The following GAMT variants were observed in gnomAD, a reference collection of about 807,000 sequenced individuals.
GAMT encodes epididymis secretory protein Li 20.
In GAMT, 26 loss-of-function variants were observed where a neutral mutation model predicts 26.9. The ratio of observed to expected loss-of-function variants is 0.97; its 90% CI spans 0.71 to 1.34. GAMT has a LOEUF of 1.34. GAMT is among the 40% of genes most tolerant of loss of function. The pLI is 0.00. For missense variants in GAMT, 412 were observed against 345.0 expected, an observed-to-expected ratio of 1.19 and a Z score of -1.54; for synonymous variants, 169 against 149.6, an observed-to-expected ratio of 1.13 and a Z score of -0.95.
rs1308575125 is a variant in GAMT, at chr19:1,397,392, T to C, written c.678A>G (p.Pro226=). The C allele has an allele frequency of 1.9e-6, 3 of 1,612,482 alleles. No homozygotes were observed. The highest frequency in any genetic ancestry group is 1.7e-6 in the Non-Finnish European group (2 of 1,179,876). Residue 226 remains proline (P), a synonymous_variant, in exon 6 of 6, where the codon CCA becomes CCG. Coordinates refer to ENST00000252288, the MANE Select transcript of GAMT (RefSeq NM_000156.6). The part of the protein sequence containing the change: ...PPADCRYYAF[P]QMITPLVTKG ...TGGTCACCAGGGGCGTGATCATCTG[T>C]GGGAAGGCGTAGTAGCGGCAGTCGG...
intron 5 of GAMT, 39 bp from the exon 6 acceptor site, chr19:1,397,538 G>A (rs765755401): frequency 6.3e-7 from 1 of 1,598,106 alleles, no homozygotes; most frequent in South Asian, 1.1e-5. Context: ...TGAGGGCCAT[G>A]GGGGTCACGT....
rs2144637533 is a variant in GAMT at position 1,399,558 on chromosome 19, A to AT, written c.356dup (p.Asp119GlufsTer8). 3.1e-6 allele frequency: 5 copies of AT among 1,613,166 alleles called. No homozygotes were observed. The highest frequency in any genetic ancestry group is 4.2e-6 in the Non-Finnish European group (5 of 1,179,840). ...GACCGTCAGGCAGGGTGGGTGCCAC[A>AT]TCCTCCCACAGGCCTTTCAAGGGGA... On this transcript the variant is annotated frameshift_variant, in exon 3 of 6. Coordinates refer to ENST00000252288, the MANE Select transcript of GAMT (RefSeq NM_000156.6). LOFTEE classifies it high-confidence loss of function. The surrounding 1 kb of genome is among the most constrained non-coding windows in gnomAD (Gnocchi z 6.2).
Position 1,399,560 on chromosome 19 carries a change from C to A in GAMT, c.355G>T (p.Asp119Tyr). 1 of 1,613,226 alleles carries A rather than the reference C, an allele frequency of 6.2e-7. No individual in the cohort carries two copies. Among genetic ancestry groups the A allele is most frequent in the Non-Finnish European group, 8.5e-7 (1 of 1,179,842 alleles). ...KVIPLKGLWE[D>Y]VAPTLPDGHF... ...CCGTCAGGCAGGGTGGGTGCCACAT[C>A]CTCCCACAGGCCTTTCAAGGGGATG... The change falls in exon 3 of 6, where the codon GAT becomes TAT. Residue 119 changes from aspartate to tyrosine, a missense_variant. Asp to Tyr is a radical substitution (Grantham distance 160). Transcript: ENST00000252288. The surrounding 1 kb of genome is among the most constrained non-coding windows in gnomAD (Gnocchi z 6.2).
Position 1,401,484 on chromosome 19 carries a change from G to C in GAMT, c.-8C>G, listed in dbSNP as rs1555777388. On this transcript the variant is annotated 5_prime_UTR_variant, in exon 1 of 6. Transcript: ENST00000252288. The stretch of plus-strand genomic sequence containing the variant: ...CGCGCTGGGGGCGCTCATGCTGCAG[G>C]CTGGACGGCGACCCGACCTCGATCG... The C allele has an allele frequency of 7.6e-7, 1 of 1,316,862 alleles. No homozygotes were observed. Among genetic ancestry groups the C allele is most frequent in the Non-Finnish European group, 9.7e-7 (1 of 1,033,492 alleles). The allele number at this position is 1,316,862 out of a possible 1,614,324, so 81.6% of individuals were successfully genotyped here. A position where few individuals can be genotyped will look rare whatever the true frequency, so the allele number is the denominator to read the frequency against.
chr19:1,398,749 T>C (rs1408787559), intron 5 of GAMT, 167 bp downstream of exon 5: 2 of 1,547,262 alleles, frequency 1.3e-6, no homozygotes, highest in Non-Finnish European at 1.7e-6. Flanking sequence ...TGGCAGCCAC[T>C]GCGCCAGGCA....
Position 1,399,597 on chromosome 19 carries a change from G to A in GAMT, c.328-10C>T, listed in dbSNP as rs371511930. 1.5e-4 allele frequency: 243 copies of A among 1,611,480 alleles called. No individual in the cohort carries two copies. The highest frequency in any genetic ancestry group is 1.9e-4 in the Non-Finnish European group (219 of 1,179,100). The stretch of plus-strand genomic sequence containing the variant: ...CTTTCAAGGGGATGACCTTGCAGAG[G>A]GGAAAAGAAAAAGAGAGGACAGGGT... On this transcript the variant is annotated splice_polypyrimidine_tract_variant and intron_variant, in intron 2 of 5. Coordinates refer to ENST00000252288, the MANE Select transcript of GAMT (RefSeq NM_000156.6). This position sits in a 1 kb window ranked among gnomAD's most constrained non-coding sequence, Gnocchi z 6.2.
In GAMT at chr19:1,397,419, C is replaced by T. The variant is rs745327521; in HGVS notation, c.651G>A (p.Pro217=). ...GGAAGGCGTAGTAGCGGCAGTCGGC[C>T]GGTGGGACCAGCGCCATCACCTCCG... The part of the protein sequence containing the change: ...IRTEVMALVP[P]ADCRYYAFPQ... Residue 217 remains proline, a synonymous_variant, in exon 6 of 6, where the codon CCG becomes CCA. Transcript: ENST00000252288. The T allele has an allele frequency of 2.1e-5, 34 of 1,611,480 alleles. No individual in the cohort carries two copies. Among genetic ancestry groups the T allele is most frequent in the African/African-American group, 1.5e-4 (11 of 74,904 alleles).
Position 1,399,673 on chromosome 19 carries a change from A to G in GAMT, c.328-86T>C. 3 of 1,524,180 alleles carry G rather than the reference A, an allele frequency of 2.0e-6. No individual in the cohort carries two copies. The highest frequency in any genetic ancestry group is 1.8e-6 in the Non-Finnish European group (2 of 1,127,180). 94.4% of individuals were successfully genotyped at this position (1,524,180 alleles called of 1,614,324 possible). A position where few individuals can be genotyped will look rare whatever the true frequency, so the allele number is the denominator to read the frequency against. ...CTGCAGAAAGGGAGCGGCCAGGGGG[A>G]CTCCCGAGAGAGAAGACCACCTCCT... On this transcript the variant is annotated intron_variant, in intron 2 of 5. Transcript: ENST00000252288. This position sits in a 1 kb window ranked among gnomAD's most constrained non-coding sequence, Gnocchi z 6.2.
At position 1,401,389 on chromosome 19, in the gene GAMT, C is replaced by G. The variant is rs1204578161; in HGVS notation, c.88G>C (p.Ala30Pro). 6.7e-7 allele frequency: 1 copy of G among 1,497,098 alleles called. No individual in the cohort carries two copies. 92.7% of individuals were successfully genotyped at this position (1,497,098 alleles called of 1,614,324 possible). The part of the protein sequence containing the change: ...WGAAPAAYDA[A>P]DTHLRILGKP... ...CCCAGGATGCGCAGGTGCGTGTCCG[C>G]TGCGTCGTAGGCCGCGGGCGCCGCC... Residue 30 changes from alanine (A) to proline (P), a missense_variant, in exon 1 of 6, where the codon GCG becomes CCG. Coordinates refer to ENST00000252288, the MANE Select transcript of GAMT (RefSeq NM_000156.6).
rs1007140522 is a variant in GAMT, at chr19:1,398,659, G to C, written c.570+257C>G. ...AGGTCTTGCTCTGTAGCCCAGGCTG[G>C]TCTTGAACTCCTAGGCTCAAGCAAT... On this transcript the variant is annotated intron_variant, in intron 5 of 5. Coordinates refer to ENST00000252288, the MANE Select transcript of GAMT (RefSeq NM_000156.6). The C allele has an allele frequency of 2.5e-5, 32 of 1,257,296 alleles. No homozygotes were observed. The Admixed American group carries it at 6.4e-4, about 25-fold the overall frequency. The allele number at this position is 1,257,296 out of a possible 1,614,324, so 77.9% of individuals were successfully genotyped here.
rs80338736 is a variant in GAMT at position 1,399,808 on chromosome 19, T to TGGGGCCCAGTCCC, written c.299_311dup (p.Arg105GlyfsTer26). 1.0e-4 allele frequency: 157 copies of TGGGGCCCAGTCCC among 1,572,142 alleles called. No individual in the cohort carries two copies. Among genetic ancestry groups the TGGGGCCCAGTCCC allele is most frequent in the Non-Finnish European group, 1.3e-4 (149 of 1,159,664 alleles). ...AGAGGGGCACCTTGTGTGTCTGCCGTGGGGCCCAGTCCCGGAGCCGCTGGA... is the reference window on the plus strand; with the variant it reads ...AGAGGGGCACCTTGTGTGTCTGCCGTGGGGCCCAGTCCCGGGGCCCAGTCCCGGAGCCGCTGGA... On this transcript the variant is annotated frameshift_variant, in exon 2 of 6. Coordinates refer to ENST00000252288, the MANE Select transcript of GAMT (RefSeq NM_000156.6). LOFTEE classifies it high-confidence loss of function. This position sits in a 1 kb window ranked among gnomAD's most constrained non-coding sequence, Gnocchi z 6.2.
At chr19:1,400,368 G>A (rs2082627045) in intron 1 of GAMT, among the ~76,000 whole-genome samples, 1 of 152,122 alleles carries the variant, frequency 6.6e-6, no homozygotes. Context: ...GGACGGGAGG[G>A]CACCCTGGGC....
intron 5 of GAMT, chr19:1,397,939 A>C: frequency 9.3e-7 from 1 of 1,073,344 alleles, no homozygotes; most frequent in South Asian, 2.9e-5. Flanking sequence ...CGCCTCCACC[A>C]GGCAGAGGGA....
Position 1,399,855 on chromosome 19 carries a change from T to C in GAMT, c.265A>G (p.Ile89Val). 1 of 1,601,222 alleles carries C rather than the reference T, an allele frequency of 6.2e-7. No homozygotes were observed. The highest frequency in any genetic ancestry group is 8.5e-7 in the Non-Finnish European group (1 of 1,174,714). The change falls in exon 2 of 6, where the codon ATC becomes GTC. Residue 89 changes from isoleucine to valine, a missense_variant. By Grantham distance (29) the Ile-to-Val change is conservative (BLOSUM62 3). Coordinates refer to ENST00000252288, the MANE Select transcript of GAMT (RefSeq NM_000156.6). This position sits in a 1 kb window ranked among gnomAD's most constrained non-coding sequence, Gnocchi z 6.2. Reference protein sequence around the residue: ...QEAPIDEHWIIECNDGVFQRL... With the variant: ...QEAPIDEHWIVECNDGVFQRL... ...TGGAAGACGCCGTCATTGCACTCGATGATCCAATGCTCATCAATGGGCGCC... is the reference window on the plus strand; with the variant it reads ...TGGAAGACGCCGTCATTGCACTCGACGATCCAATGCTCATCAATGGGCGCC...
At chr19:1,398,603 T>G in intron 5 of GAMT, 2 of 788,314 alleles carry the variant, frequency 2.5e-6, no homozygotes, top group Non-Finnish European at 3.9e-6. Context: ...GCCCAGCTAG[T>G]TTTTTGTATT....
At position 1,399,013 on chromosome 19, in the gene GAMT, C is replaced by G. The variant is rs750195151; in HGVS notation, c.473G>C (p.Arg158Pro). 4 of 1,613,446 alleles carry G rather than the reference C, an allele frequency of 2.5e-6. No homozygotes were observed. The highest frequency in any genetic ancestry group is 1.7e-5 in the Admixed American group (1 of 60,016). ...QFNFIKNHAF[R>P]LLKPGGVLTY... ...GAGGACGCCCCCCGGCTTCAGCAGG[C>G]GAAAGGCGTGGTTCTGTGGAAGGGG... is the stretch of plus-strand genomic sequence containing the variant. The change falls in exon 5 of 6, where the codon CGC becomes CCC. Residue 158 changes from arginine to proline, a missense_variant. Arg to Pro is a moderately radical substitution (Grantham distance 103, BLOSUM62 -2). Coordinates refer to ENST00000252288, the MANE Select transcript of GAMT (RefSeq NM_000156.6). This position sits in a 1 kb window ranked among gnomAD's most constrained non-coding sequence, Gnocchi z 6.2.
chr19:1,399,604 GAA>G lies in GAMT; in HGVS notation c.328-19_328-18del, dbSNP rs911385649. On this transcript the variant is annotated intron_variant, in intron 2 of 5. Coordinates refer to ENST00000252288, the MANE Select transcript of GAMT (RefSeq NM_000156.6). The surrounding 1 kb of genome is among the most constrained non-coding windows in gnomAD (Gnocchi z 6.2). ...GGGGATGACCTTGCAGAGGGGAAAA[GAA>G]AAAGAGAGGACAGGGTAGAGAGGTC... 4.3e-6 allele frequency: 7 copies of G among 1,609,698 alleles called. No homozygotes were observed. In the African/African-American group the frequency reaches 5.3e-5, roughly 12 times the overall value.
chr19:1,399,250 G>A lies in GAMT; in HGVS notation c.392-55C>T. The A allele has an allele frequency of 6.3e-7, 1 of 1,579,308 alleles. No homozygotes were observed. The highest frequency in any genetic ancestry group is 1.7e-4 in the Middle Eastern group (1 of 6,004). ...AGGGCCGGGCTCAGCGCCTCACCCA[G>A]CCTCACCCGGCTCATCCCCCAGCGG... On this transcript the variant is annotated intron_variant, in intron 3 of 5. Transcript: ENST00000252288. The surrounding 1 kb of genome is among the most constrained non-coding windows in gnomAD (Gnocchi z 6.2).
At position 1,397,345 on chromosome 19, in the gene GAMT, G is replaced by A. The variant is rs758606478; in HGVS notation, c.*14C>T. On this transcript the variant is annotated 3_prime_UTR_variant, in exon 6 of 6. Transcript: ENST00000252288. Reference sequence around the variant, plus strand: ...CGGAGGAGGGCATGGGTGTGGCCGGGCCGGGGTGGGGGCTCAGCCTTTGGT... The same window carrying A: ...CGGAGGAGGGCATGGGTGTGGCCGGACCGGGGTGGGGGCTCAGCCTTTGGT... 7 of 1,605,776 alleles carry A rather than the reference G, an allele frequency of 4.4e-6. No homozygotes were observed. In the South Asian group the frequency reaches 7.7e-5, roughly 18 times the overall value.
Sources: allele counts gnomAD v4.1 joint callset (sites outside exome capture counted in the v4.1 genomes callset), GRCh38; gene constraint gnomAD v4.1.1; non-coding constraint Gnocchi (gnomAD v3.1); transcripts MANE v1.5; gene names NCBI Gene and HGNC (gene_info 2026-07-23, HGNC 2026-07-21).